DENND5B: variants seen among roughly 807,000 people sequenced by gnomAD.
The protein encoded by DENND5B is DENN domain-containing protein 5B.
A neutral mutation model predicts 140.6 loss-of-function variants in DENND5B; 34 were observed. The observed-to-expected ratio is 0.24, with a 90% CI of 0.18 to 0.32. DENND5B has a LOEUF of 0.32. DENND5B is among the 10% of genes least tolerant of loss of function. The pLI is 1.00. For missense variants in DENND5B, 1,142 were observed against 1,560.2 expected (o/e 0.73, Z 4.52); for synonymous variants, 551 against 562.1 (o/e 0.98, Z 0.28).
chr12:31,581,064 T>A (rs1397612986), intron 1 of DENND5B, among the ~76,000 whole-genome samples: 1 of 152,124 alleles, frequency 6.6e-6, no homozygotes, highest in Non-Finnish European at 1.5e-5. Flanking sequence ...GTGATTGAAG[T>A]ATTGCACTCC....
chr12:31,407,628 T>G (rs191341820), intron 14 of DENND5B, among the ~76,000 whole-genome samples: 45 of 152,286 alleles, frequency 3.0e-4, no homozygotes, highest in African/African-American at 1.1e-3. Context: ...TATTGAGATT[T>G]TTTGGAAAAT....
chr12:31,429,854 G>A (rs1340285521), intron 8 of DENND5B, among the ~76,000 whole-genome samples: 5 of 150,744 alleles, frequency 3.3e-5, no homozygotes, highest in Non-Finnish European at 4.4e-5. Context: ...TTATAGGCGC[G>A]TGCTACAACA....
At chr12:31,552,191 G>C (rs948013931) in intron 1 of DENND5B, among the ~76,000 whole-genome samples, 2 of 152,136 alleles carry the variant, frequency 1.3e-5, no homozygotes, top group African/African-American at 4.8e-5. Context: ...GTATGATATT[G>C]GCTGTGGGTT....
intron 3 of DENND5B, among the ~76,000 whole-genome samples, chr12:31,470,280 A>G (rs538305548): frequency 6.6e-6 from 1 of 151,898 alleles, no homozygotes; most frequent in South Asian, 2.1e-4. Context: ...ACGCCTGGGT[A>G]ACTCTGTATT....
intron 1 of DENND5B, among the ~76,000 whole-genome samples, chr12:31,569,060 C>CTTTTTTTTTTT (rs1234009016): frequency 1.1e-5 from 1 of 93,162 alleles, no homozygotes; most frequent in Non-Finnish European, 2.0e-5. Flanking sequence ...AGCAACATAC[C>CTTTTTTTTTTT]TTTTTTTTTT....
At chr12:31,418,142 C>T (rs1051915552) in intron 11 of DENND5B, among the ~76,000 whole-genome samples, 2 of 152,020 alleles carry the variant, frequency 1.3e-5, no homozygotes, top group South Asian at 2.1e-4. Flanking sequence ...TTTGTTGTGG[C>T]GATTTTGGGA....
At position 31,504,304 on chromosome 12, in the gene DENND5B, T is replaced by C. The variant is rs935241373; in HGVS notation, c.128-8385A>G. ...AACTCCTAAAATTTCTCAATCTCCATAAAATACATGAAATATAGCACAAAA... is the reference window on the plus strand; with the variant it reads ...AACTCCTAAAATTTCTCAATCTCCACAAAATACATGAAATATAGCACAAAA... On this transcript the variant is annotated intron_variant, in intron 1 of 20. Coordinates refer to ENST00000389082, the MANE Select transcript of DENND5B (RefSeq NM_144973.4). 5.5e-4 allele frequency among the ~76,000 whole-genome samples: 84 copies of C among 152,148 alleles called. 1 individual carries two copies. The highest frequency in any genetic ancestry group is 2.0e-3 in the African/African-American group (81 of 41,444).
chr12:31,469,393 C>G (rs947987007), intron 3 of DENND5B, among the ~76,000 whole-genome samples: 1 of 151,398 alleles, frequency 6.6e-6, no homozygotes, highest in Non-Finnish European at 1.5e-5. Flanking sequence ...TCTGGACTGG[C>G]AAATACATTA....
chr12:31,469,455 A>G (rs756617761), intron 3 of DENND5B, among the ~76,000 whole-genome samples: 2 of 151,956 alleles, frequency 1.3e-5, no homozygotes, highest in Non-Finnish European at 2.9e-5. Context: ...CCACCCCTAC[A>G]CCTTTTGCAC....
chr12:31,448,901 C>A (rs1944391499), intron 5 of DENND5B, among the ~76,000 whole-genome samples: 1 of 152,202 alleles, frequency 6.6e-6, no homozygotes, highest in South Asian at 2.1e-4. Flanking sequence ...CAGAAGCAAG[C>A]CTTTGGAGAA....
chr12:31,402,731 C>A, intron 14 of DENND5B, 88 bp from the exon 15 acceptor site: 2 of 1,438,670 alleles, frequency 1.4e-6, no homozygotes, highest in South Asian at 1.7e-5. Context: ...TGTTGGTTTT[C>A]ATTGATAATT....
intron 1 of DENND5B, among the ~76,000 whole-genome samples, chr12:31,561,611 A>G (rs1245754994): frequency 1.3e-5 from 2 of 152,228 alleles, no homozygotes; most frequent in East Asian, 3.8e-4. Context: ...AACCACCTCA[A>G]TTTATAGTAA....
intron 1 of DENND5B, among the ~76,000 whole-genome samples, chr12:31,589,327 G>A (rs891553020): frequency 6.6e-6 from 1 of 152,100 alleles, no homozygotes; most frequent in Non-Finnish European, 1.5e-5. Flanking sequence ...CTTAGTTGAA[G>A]AAACAATGTG....
In DENND5B at chr12:31,448,519, C is replaced by A. The variant is rs144834147; in HGVS notation, c.1630-750G>T. Among the ~76,000 whole-genome samples the A allele has an allele frequency of 4.2e-3, 634 of 152,270 alleles. 5 individuals carry two copies. Among genetic ancestry groups the A allele is most frequent in the African/African-American group, 0.014 (575 of 41,534 alleles). ...AAGGTAGTGAGATGATTAACTGATACAATAAACACATCAGCATTAATCTTA... is the reference window on the plus strand; with the variant it reads ...AAGGTAGTGAGATGATTAACTGATAAAATAAACACATCAGCATTAATCTTA... On this transcript the variant is annotated intron_variant, in intron 5 of 20. Transcript: ENST00000389082.
intron 1 of DENND5B, among the ~76,000 whole-genome samples, chr12:31,562,511 G>A (rs1740961219): frequency 6.6e-6 from 1 of 152,096 alleles, no homozygotes; most frequent in Non-Finnish European, 1.5e-5. Context: ...CAGGTAGGGA[G>A]GCTAAGGCAG....
intron 1 of DENND5B, among the ~76,000 whole-genome samples, chr12:31,563,114 T>G (rs1592057622): frequency 6.6e-6 from 1 of 152,260 alleles, no homozygotes; most frequent in African/African-American, 2.4e-5. Context: ...GCTAGGTTTC[T>G]GGGAAGCACT....
chr12:31,579,973 A>T (rs1041717060), intron 1 of DENND5B, among the ~76,000 whole-genome samples: 1 of 111,512 alleles, frequency 9.0e-6, no homozygotes, highest in African/African-American at 2.9e-5. Flanking sequence ...AAATATATAT[A>T]AAAAAATATA....
intron 8 of DENND5B, among the ~76,000 whole-genome samples, chr12:31,430,495 T>C (rs147468149): frequency 4.7e-4 from 1 of 2,128 alleles, no homozygotes; most frequent in Admixed American, 6.8e-3. Context: ...CTACTAAAAA[T>C]ACAAAAAAAA....
At position 31,452,358 on chromosome 12, in the gene DENND5B, C is replaced by T; in HGVS notation, c.1211G>A (p.Gly404Glu). 6.2e-7 allele frequency: 1 copy of T among 1,613,874 alleles called. No homozygotes were observed. Among genetic ancestry groups the T allele is most frequent in the Non-Finnish European group, 8.5e-7 (1 of 1,179,892 alleles). Residue 404 changes from glycine (G) to glutamate (E), a missense_variant, in exon 5 of 21, where the codon GGG becomes GAG. Physicochemically the swap from Gly to Glu is moderately conservative, Grantham distance 98. Around this residue, in one of 5 missense-constraint regions of DENND5B, gnomAD observed 708 missense variants for 905.5 expected, o/e 0.78. Transcript: ENST00000389082. The stretch of plus-strand genomic sequence containing the variant: ...ATGTAGGCTGCCCTCAGGAGGGATC[C>T]CAAATTGAACAAGAACCTCAGAGAG... ...QELSEVLVQFGIPPEGSLHCS... is the reference protein window; with the variant it reads ...QELSEVLVQFEIPPEGSLHCS...
Sources: gnomAD v4.1 joint callset for allele counts (sites outside exome capture counted in the v4.1 genomes callset) on GRCh38, gnomAD v4.1.1 for gene constraint, gnomAD v4.1.1 regional missense constraint, MANE v1.5 for transcripts, NCBI Gene and HGNC (gene_info 2026-07-23, HGNC 2026-07-21) for gene names.